RHD: variants seen among roughly 807,000 people sequenced by gnomAD.
The protein encoded by RHD is Rh blood group D antigen, also known as blood group Rh(D) polypeptide.
Under a neutral mutation model 45.5 loss-of-function variants are expected in RHD, and 16 were observed. That is an observed-to-expected ratio of 0.35 (90% CI 0.24 to 0.53). The LOEUF (loss-of-function observed/expected upper bound fraction) is 0.53, where lower values mean the gene tolerates loss of function less well. Ranked by LOEUF, RHD falls within the 20% of genes least tolerant of loss-of-function variation. The pLI is 0.92. For synonymous variants in RHD, 131 were observed against 217.5 expected (o/e 0.60, Z 3.50); for missense variants, 306 against 532.0 (o/e 0.58, Z 4.18).
chr1:25,303,076 C>T (rs1259398803), intron 5 of RHD, among the ~76,000 whole-genome samples: 1 of 131,840 alleles, frequency 7.6e-6, no homozygotes, highest in Non-Finnish European at 1.8e-5. Context: ...GACTTCCCAG[C>T]TCATTCCCTA....
chr1:25,279,987 C>T (rs1227253962), intron 1 of RHD, among the ~76,000 whole-genome samples: 1 of 128,774 alleles, frequency 7.8e-6, no homozygotes, highest in African/African-American at 2.7e-5. Flanking sequence ...AGCCCTGAAG[C>T]GGGAGCCCAG....
At position 25,303,621 on chromosome 1, in the gene RHD, G is replaced by A. The variant is rs374185911; in HGVS notation, c.939+162G>A. 9.2e-5 allele frequency among the ~76,000 whole-genome samples: 12 copies of A among 130,802 alleles called. 2 individuals are homozygous for A. Among genetic ancestry groups the A allele is most frequent in the East Asian group, 2.0e-4 (1 of 5,090 alleles). The allele number at this position is 130,802 out of a possible 152,430, so 85.8% of individuals were successfully genotyped here. Reference sequence around the variant, plus strand: ...GAGGGATCCATCCTGGCTCGGTGGCGCATTTGTTAAGATGCTCGGGAGCAG... The same window carrying A: ...GAGGGATCCATCCTGGCTCGGTGGCACATTTGTTAAGATGCTCGGGAGCAG... On this transcript the variant is annotated intron_variant, in intron 6 of 9. Coordinates refer to ENST00000328664, the MANE Select transcript of RHD (RefSeq NM_016124.6).
intron 6 of RHD, 143 bp downstream of exon 6, chr1:25,303,602 T>C: frequency 1.1e-6 from 1 of 925,254 alleles, no homozygotes; most frequent in Admixed American, 2.1e-5. Context: ...TAGTGAGGGA[T>C]CCATCCTGGC....
rs544741035 is a variant in RHD at position 25,311,399 on chromosome 1, C to T, written c.1073+4670C>T. ...AATTAGCCAGGCGTGGTGGTGGGCG[C>T]CTGTATTCCCAGCTACCTGGGAGGC... On this transcript the variant is annotated intron_variant, in intron 7 of 9. Transcript: ENST00000328664. Among the ~76,000 whole-genome samples the T allele has an allele frequency of 3.8e-5, 5 of 130,884 alleles. 1 individual carries two copies. The South Asian group carries it at 7.1e-4, about 19-fold the overall frequency. 85.9% of individuals were successfully genotyped at this position (130,884 alleles called of 152,430 possible). A position where few individuals can be genotyped will look rare whatever the true frequency, so the allele number is the denominator to read the frequency against.
intron 1 of RHD, among the ~76,000 whole-genome samples, chr1:25,282,454 C>T (rs1343336925): frequency 7.6e-6 from 1 of 131,226 alleles, no homozygotes; most frequent in East Asian, 2.0e-4. Flanking sequence ...AGGCTAGTCT[C>T]GAACTGCTGA....
rs1329663048 is a variant in RHD, at chr1:25,314,629, G to A, written c.1074-2371G>A. On this transcript the variant is annotated intron_variant, in intron 7 of 9. Coordinates refer to ENST00000328664, the MANE Select transcript of RHD (RefSeq NM_016124.6). ...ATACTTCATCCTCCTGAGTAGCTTA[G>A]ATTACAGGCGCATGCCACCATGCCC... 2.3e-5 allele frequency among the ~76,000 whole-genome samples: 3 copies of A among 132,446 alleles called. 1 individual carries two copies. The highest frequency in any genetic ancestry group is 7.4e-5 in the Admixed American group (1 of 13,594). 86.9% of individuals were successfully genotyped at this position (132,446 alleles called of 152,430 possible). A position where few individuals can be genotyped will look rare whatever the true frequency, so the allele number is the denominator to read the frequency against.
rs187412012 is a variant in RHD at position 25,305,830 on chromosome 1, G to A, written c.940-766G>A. On this transcript the variant is annotated intron_variant, in intron 6 of 9. Transcript: ENST00000328664. ...TTGGCCCTGCTGGTCTTGAACTCCC[G>A]ACTTCAGGTGATCCACCCATGTCGG... 3.2e-3 allele frequency among the ~76,000 whole-genome samples: 423 copies of A among 130,930 alleles called. 77 individuals carry two copies. Among genetic ancestry groups the A allele is most frequent in the Middle Eastern group, 0.012 (3 of 248 alleles). 85.9% of individuals were successfully genotyped at this position (130,930 alleles called of 152,430 possible).
chr1:25,295,628 T>C (rs1255047622), intron 3 of RHD, among the ~76,000 whole-genome samples: 1 of 104,486 alleles, frequency 9.6e-6, no homozygotes, highest in East Asian at 2.3e-4. Context: ...AGACGAGCGG[T>C]CAAGGAGCCG....
chr1:25,307,522 T>C (rs1643912234), intron 7 of RHD: 1 of 520,188 alleles, frequency 1.9e-6, no homozygotes, highest in South Asian at 2.1e-5. Context: ...TATTGACTGC[T>C]TTAAAAGTGT....
rs1371813142 is a variant in RHD at position 25,297,112 on chromosome 1, A to G, written c.487-3834A>G. ...GGATTACATCTTGCATTTAGTTCTC[A>G]TGTCTTATTAAATTCCATCAATCTG... On this transcript the variant is annotated intron_variant, in intron 3 of 9. Coordinates refer to ENST00000328664, the MANE Select transcript of RHD (RefSeq NM_016124.6). 4.2e-5 allele frequency among the ~76,000 whole-genome samples: 5 copies of G among 119,610 alleles called. 2 individuals carry two copies. Among genetic ancestry groups the G allele is most frequent in the Non-Finnish European group, 9.8e-5 (5 of 51,056 alleles). 78.5% of individuals were successfully genotyped at this position (119,610 alleles called of 152,430 possible).
intron 6 of RHD, 29 bp from the exon 7 acceptor site, chr1:25,306,567 A>C (rs1486839276): frequency 1.5e-6 from 2 of 1,374,820 alleles, no homozygotes; most frequent in South Asian, 2.4e-5. Flanking sequence ...CTCACCTGCC[A>C]ATCTGCTTAT....
At chr1:25,275,233 A>T (rs1640857989) in intron 1 of RHD, among the ~76,000 whole-genome samples, 1 of 131,846 alleles carries the variant, frequency 7.6e-6, no homozygotes, top group African/African-American at 2.6e-5. Flanking sequence ...GAGGTTGCTG[A>T]GCTGAGAACA....
intron 3 of RHD, among the ~76,000 whole-genome samples, chr1:25,292,742 AG>A (rs1642624009): frequency 8.0e-6 from 1 of 125,434 alleles, no homozygotes; most frequent in South Asian, 2.5e-4. Context: ...GGTTAGGGCT[AG>A]GGATATAAAT....
chr1:25,306,252 G>A lies in RHD; in HGVS notation c.940-344G>A, dbSNP rs1427313732. 1.5e-5 allele frequency among the ~76,000 whole-genome samples: 2 copies of A among 131,714 alleles called. 1 individual carries two copies. Among genetic ancestry groups the A allele is most frequent in the Non-Finnish European group, 3.6e-5 (2 of 55,768 alleles). The allele number at this position is 131,714 out of a possible 152,430, so 86.4% of individuals were successfully genotyped here. On this transcript the variant is annotated intron_variant, in intron 6 of 9. Transcript: ENST00000328664. ...GCTGCTTAACATCCTACAGTACACA[G>A]GGCAGCCCCCACCACAAGGAATTAT...
In RHD at chr1:25,309,201, A is replaced by G. The variant is rs1342381686; in HGVS notation, c.1073+2472A>G. Among the ~76,000 whole-genome samples the G allele has an allele frequency of 3.8e-5, 5 of 131,950 alleles. 2 individuals are homozygous for G. The highest frequency in any genetic ancestry group is 2.3e-4 in the South Asian group (1 of 4,394). The allele number at this position is 131,950 out of a possible 152,430, so 86.6% of individuals were successfully genotyped here. ...GATTGAGTCAGATGCTGTGATCAGA[A>G]CCAGGATGGAGCATTTCCCACAAAC... On this transcript the variant is annotated intron_variant, in intron 7 of 9. Coordinates refer to ENST00000328664, the MANE Select transcript of RHD (RefSeq NM_016124.6).
chr1:25,289,685 C>T (rs1642325239), intron 2 of RHD, among the ~76,000 whole-genome samples: 1 of 125,858 alleles, frequency 7.9e-6, no homozygotes, highest in Admixed American at 7.7e-5. Flanking sequence ...CAGCTCAGTA[C>T]CACTTCCTCC....
chr1:25,309,192 G>C (rs529023844), intron 7 of RHD, among the ~76,000 whole-genome samples: 1 of 132,162 alleles, frequency 7.6e-6, no homozygotes, highest in Non-Finnish European at 1.8e-5. Flanking sequence ...GTCAGATGCT[G>C]TGATCAGAAC....
In RHD at chr1:25,329,535, GC is replaced by G; in HGVS notation, c.*614del. 1 of 178,698 alleles carries G rather than the reference GC, an allele frequency of 5.6e-6. No individual in the cohort carries two copies. The highest frequency in any genetic ancestry group is 1.3e-5 in the Non-Finnish European group (1 of 79,916). The allele number at this position is 178,698 out of a possible 1,614,324, so 11.1% of individuals were successfully genotyped here. ...TGGAACCACAGGCCTGAGCCACTGT[GC>G]CCAGCCTTGTTTGCTTTTTTAACAG... On this transcript the variant is annotated 3_prime_UTR_variant, in exon 10 of 10. Coordinates refer to ENST00000328664, the MANE Select transcript of RHD (RefSeq NM_016124.6).
intron 3 of RHD, among the ~76,000 whole-genome samples, chr1:25,293,949 A>T: frequency 7.6e-6 from 1 of 131,936 alleles, no homozygotes; most frequent in African/African-American, 2.6e-5. Flanking sequence ...CCATTAACTC[A>T]CCAGAATACA....
Sources: gnomAD v4.1 joint callset for allele counts (sites outside exome capture counted in the v4.1 genomes callset) on GRCh38, gnomAD v4.1.1 for gene constraint, MANE v1.5 for transcripts, NCBI Gene and HGNC (gene_info 2026-07-23, HGNC 2026-07-21) for gene names.